Variants in CSMD3 observed in about 807,000 individuals in gnomAD.
CSMD3 encodes the protein CUB and Sushi multiple domains 3.
A neutral mutation model predicts 435.2 loss-of-function variants in CSMD3; 177 were observed. The observed-to-expected ratio is 0.41, with a 90% CI of 0.36 to 0.46. The LOEUF is 0.46. Ranked by LOEUF, CSMD3 falls within the 20% of genes least tolerant of loss-of-function variation. CSMD3 has a pLI of 0.34. For missense variants in CSMD3, 4,265 were observed against 4,504.6 expected, an observed-to-expected ratio of 0.95 and a Z score of 1.52; for synonymous variants, 1,656 against 1,520.5, an observed-to-expected ratio of 1.09 and a Z score of -2.07.
intron 13 of CSMD3, among the ~76,000 whole-genome samples, chr8:112,733,986 G>A (rs1220903063): frequency 6.6e-6 from 1 of 151,754 alleles, no homozygotes; most frequent in Non-Finnish European, 1.5e-5. Context: ...ATCCTCCAAG[G>A]GTTTTCTTTT....
intron 38 of CSMD3, among the ~76,000 whole-genome samples, chr8:112,378,874 C>T (rs1829203718): frequency 6.6e-6 from 1 of 151,790 alleles, no homozygotes; most frequent in East Asian, 1.9e-4. Context: ...CTGATTTAAT[C>T]ACTACACATT....
At chr8:113,347,257 C>A (rs1588566888) in intron 1 of CSMD3, among the ~76,000 whole-genome samples, 2 of 152,090 alleles carry the variant, frequency 1.3e-5, no homozygotes, top group African/African-American at 4.8e-5. Context: ...TTCTTCACTG[C>A]AGAAACAATA....
chr8:113,211,617 A>G (rs1443282263), intron 3 of CSMD3, among the ~76,000 whole-genome samples: 2 of 152,144 alleles, frequency 1.3e-5, no homozygotes, highest in Non-Finnish European at 2.9e-5. Flanking sequence ...TGAACCCAGG[A>G]GACGGAGGTT....
chr8:112,329,045 T>C (rs16883450), intron 45 of CSMD3, among the ~76,000 whole-genome samples: 6,066 of 152,278 alleles, frequency 0.04, 400 homozygotes, highest in African/African-American at 0.14. Context: ...TGCTGCATTA[T>C]TGTAAGAACA....
chr8:112,640,910 T>C (rs572049592), intron 20 of CSMD3, among the ~76,000 whole-genome samples: 1 of 152,266 alleles, frequency 6.6e-6, no homozygotes, highest in African/African-American at 2.4e-5. Context: ...TACTATATTA[T>C]TTTTATTTTT....
intron 32 of CSMD3, among the ~76,000 whole-genome samples, chr8:112,418,553 A>G: frequency 6.6e-6 from 1 of 152,144 alleles, no homozygotes; most frequent in East Asian, 1.9e-4. Flanking sequence ...AGGCTTTATC[A>G]TTTAAAGATT....
At chr8:113,307,886 G>A (rs906345105) in intron 2 of CSMD3, among the ~76,000 whole-genome samples, 1 of 152,126 alleles carries the variant, frequency 6.6e-6, no homozygotes, top group African/African-American at 2.4e-5. Flanking sequence ...TACAAAATGC[G>A]TACACAGCTT....
intron 13 of CSMD3, among the ~76,000 whole-genome samples, chr8:112,728,726 G>A (rs2077016398): frequency 6.6e-6 from 1 of 151,920 alleles, no homozygotes; most frequent in Non-Finnish European, 1.5e-5. Flanking sequence ...ATCACTCTGT[G>A]GTTCTCACCA....
chr8:113,190,457 T>C (rs2092568346), intron 3 of CSMD3, among the ~76,000 whole-genome samples: 1 of 151,658 alleles, frequency 6.6e-6, no homozygotes, highest in Non-Finnish European at 1.5e-5. Context: ...GGAGAGTTGA[T>C]GGAATGGCAA....
chr8:113,083,574 C>A (rs1214040902), intron 5 of CSMD3, among the ~76,000 whole-genome samples: 1 of 151,666 alleles, frequency 6.6e-6, no homozygotes, highest in Admixed American at 6.6e-5. Context: ...CAAAAGTATA[C>A]AACTCACTGG....
chr8:112,309,419 A>G (rs1406678896), intron 50 of CSMD3, among the ~76,000 whole-genome samples: 4 of 151,792 alleles, frequency 2.6e-5, no homozygotes, highest in Non-Finnish European at 4.4e-5. Flanking sequence ...TAAAATTCAG[A>G]GCATGTTAAT....
At position 112,335,474 on chromosome 8, in the gene CSMD3, C is replaced by G. The variant is rs372658569; in HGVS notation, c.7020G>C (p.Trp2340Cys). ...GAGGTGAATTTTGGTCTGGTCCATC[C>G]CTATGAGACAAGGATTGGGAAAGGA... ...TEPIYDFITV[W>C]DGPDQNSPQI... is the part of the protein sequence containing the mutation. Residue 2340 changes from tryptophan to cysteine, a missense_variant and splice_region_variant, in exon 45 of 71, where the codon TGG (tryptophan) becomes TGC (cysteine). By Grantham distance (215) the Trp-to-Cys change is radical. Around this residue, in one of 3 missense-constraint regions of CSMD3, gnomAD observed 3,255 missense variants for 3,380.2 expected, o/e 0.96. Coordinates refer to ENST00000297405, the MANE Select transcript of CSMD3 (RefSeq NM_198123.2). 3 of 1,613,636 alleles carry G rather than the reference C, an allele frequency of 1.9e-6. No homozygotes were observed. Among genetic ancestry groups the G allele is most frequent in the Non-Finnish European group, 2.5e-6 (3 of 1,179,722 alleles).
At chr8:113,150,085 A>G (rs994834119) in intron 4 of CSMD3, among the ~76,000 whole-genome samples, 7 of 151,970 alleles carry the variant, frequency 4.6e-5, no homozygotes, top group Non-Finnish European at 7.4e-5. Flanking sequence ...TAGGCAGCAT[A>G]TCTATAGTAA....
intron 1 of CSMD3, among the ~76,000 whole-genome samples, chr8:113,418,915 C>T (rs2094595962): frequency 6.6e-6 from 1 of 152,088 alleles, no homozygotes. Context: ...AGGGGACAAA[C>T]TTAACTGGAG....
chr8:112,761,010 T>C (rs2077825064), intron 13 of CSMD3, among the ~76,000 whole-genome samples: 1 of 152,162 alleles, frequency 6.6e-6, no homozygotes. Flanking sequence ...AGTACAAGAA[T>C]GTCCATGACA....
chr8:112,294,888 C>T (rs1193254153), intron 54 of CSMD3, among the ~76,000 whole-genome samples: 4 of 151,888 alleles, frequency 2.6e-5, no homozygotes, highest in African/African-American at 9.7e-5. Context: ...TATTTATTTT[C>T]TTTTTATCTG....
intron 13 of CSMD3, among the ~76,000 whole-genome samples, chr8:112,721,668 T>G (rs2076861624): frequency 6.6e-6 from 1 of 152,210 alleles, no homozygotes; most frequent in Admixed American, 6.5e-5. Flanking sequence ...GCATTGTTCC[T>G]TGATGCATTC....
Position 113,413,431 on chromosome 8 carries a change from T to A in CSMD3, c.178+23246A>T, listed in dbSNP as rs576947042. 3.9e-5 allele frequency among the ~76,000 whole-genome samples: 6 copies of A among 152,178 alleles called. No homozygotes were observed. The South Asian group carries it at 1.2e-3, about 32-fold the overall frequency. The stretch of plus-strand genomic sequence containing the variant: ...TTGCAAATTTGTTTAAACTGCAGCA[T>A]AAAGAAAGTCAAGGTATTTAAAATC... On this transcript the variant is annotated intron_variant, in intron 1 of 70. Transcript: ENST00000297405.
At chr8:113,239,645 T>C (rs2093191169) in intron 3 of CSMD3, among the ~76,000 whole-genome samples, 1 of 152,062 alleles carries the variant, frequency 6.6e-6, no homozygotes, top group African/African-American at 2.4e-5. Context: ...AACATGGCTT[T>C]GGAAATGGGT....
Sources: gnomAD v4.1 joint callset for allele counts (sites outside exome capture counted in the v4.1 genomes callset) on GRCh38, gnomAD v4.1.1 for gene constraint, gnomAD v4.1.1 regional missense constraint, MANE v1.5 for transcripts, NCBI Gene and HGNC (gene_info 2026-07-23, HGNC 2026-07-21) for gene names.